CELF5: variants seen among roughly 807,000 people sequenced by gnomAD.
The protein encoded by CELF5 is CUG-BP and ETR-3 like factor 5.
In CELF5, 6 loss-of-function variants were observed where a neutral mutation model predicts 54.9. That is an observed-to-expected ratio of 0.11 (90% CI 0.06 to 0.22). The LOEUF is 0.22. CELF5 is among the 10% of genes least tolerant of loss of function. The pLI is 1.00. For missense variants in CELF5, 401 were observed against 678.6 expected, an observed-to-expected ratio of 0.59 and a Z score of 4.54; for synonymous variants, 271 against 290.9, an observed-to-expected ratio of 0.93 and a Z score of 0.70.
chr19:3,279,694 T>TG (rs60566732), intron 5 of CELF5, among the ~76,000 whole-genome samples: 152,163 of 152,164 alleles, frequency 1, 76,081 homozygotes, highest in Non-Finnish European at 1. Flanking sequence ...TCCTGGCCCC[T>TG]GCCTCAGGCC....
chr19:3,254,443 A>C (rs2079691806), intron 2 of CELF5, among the ~76,000 whole-genome samples: 1 of 151,302 alleles, frequency 6.6e-6, no homozygotes, highest in East Asian at 1.9e-4. Context: ...CCATCCATCT[A>C]CGCATCCATC....
At chr19:3,287,440 A>G (rs2080272078) in intron 10 of CELF5, among the ~76,000 whole-genome samples, 1 of 150,728 alleles carries the variant, frequency 6.6e-6, no homozygotes, top group Admixed American at 6.6e-5. Context: ...TGTGTCTGTA[A>G]TCCCAGCTAT....
chr19:3,271,950 T>C (rs12984431), intron 2 of CELF5, among the ~76,000 whole-genome samples: 62,815 of 151,980 alleles, frequency 0.41, 13,445 homozygotes, highest in East Asian at 0.58. Flanking sequence ...TCACTCACCA[T>C]GGCCTTACAC....
rs1167060617 is a variant in CELF5 at position 3,248,910 on chromosome 19, CTTT to C, written c.260-2074_260-2072del. ...CCTTCCTTCCTTCCTTCCTTCCTTTCTTTCTTTCTTTCTTTCTTTTCTTTTCTT... is the reference window on the plus strand; with the variant it reads ...CCTTCCTTCCTTCCTTCCTTCCTTTCCTTTCTTTCTTTCTTTTCTTTTCTT... On this transcript the variant is annotated intron_variant, in intron 1 of 12. Transcript: ENST00000292672. Among the ~76,000 whole-genome samples the C allele has an allele frequency of 2.2e-3, 259 of 119,202 alleles. 2 individuals carry two copies. Among genetic ancestry groups the C allele is most frequent in the African/African-American group, 7.5e-3 (241 of 32,294 alleles). 78.2% of individuals were successfully genotyped at this position (119,202 alleles called of 152,430 possible). A position where few individuals can be genotyped will look rare whatever the true frequency, so the allele number is the denominator to read the frequency against.
chr19:3,228,014 C>A lies in CELF5; in HGVS notation c.259+3016C>A, dbSNP rs527651717. On this transcript the variant is annotated intron_variant, in intron 1 of 12. Coordinates refer to ENST00000292672, the MANE Select transcript of CELF5 (RefSeq NM_021938.4). This position sits in a 1 kb window ranked among gnomAD's most constrained non-coding sequence, Gnocchi z 6.0. Reference sequence around the variant, plus strand: ...TGAGACTCAGAGAAAGGCAGGAGGCCTCATCCAGGAGCGGGGCAGGGGTAG... The same window carrying A: ...TGAGACTCAGAGAAAGGCAGGAGGCATCATCCAGGAGCGGGGCAGGGGTAG... Among the ~76,000 whole-genome samples the A allele has an allele frequency of 2.0e-5, 3 of 152,102 alleles. No individual in the cohort carries two copies. Among genetic ancestry groups the A allele is most frequent in the African/African-American group, 7.2e-5 (3 of 41,486 alleles).
In CELF5 at chr19:3,282,259, C is replaced by T. The variant is rs1452993816; in HGVS notation, c.884C>T (p.Pro295Leu). 6.2e-7 allele frequency: 1 copy of T among 1,612,584 alleles called. No homozygotes were observed. The highest frequency in any genetic ancestry group is 1.7e-5 in the Admixed American group (1 of 60,026). Residue 295 changes from proline (P) to leucine (L), a missense_variant, in exon 7 of 13, where the codon CCT (proline) becomes CTT (leucine). Coordinates refer to ENST00000292672, the MANE Select transcript of CELF5 (RefSeq NM_021938.4). The surrounding 1 kb of genome is among the most constrained non-coding windows in gnomAD (Gnocchi z 5.2). The part of the protein sequence containing the change: ...LNGLPATPIA[P>L]ASGLHSPPLL... Reference sequence around the variant, plus strand: ...GGGCTGCCTGCCACACCCATCGCTCCTGCCTCTGGTGAGCCTCCTCCAGGC... The same window carrying T: ...GGGCTGCCTGCCACACCCATCGCTCTTGCCTCTGGTGAGCCTCCTCCAGGC...
In CELF5 at chr19:3,228,038, AG is replaced by A. The variant is rs1917023440; in HGVS notation, c.259+3045del. Among the ~76,000 whole-genome samples, 2 of 149,802 alleles carry A rather than the reference AG, an allele frequency of 1.3e-5. No individual in the cohort carries two copies. The highest frequency in any genetic ancestry group is 2.5e-5 in the African/African-American group (1 of 40,666). ...CCTCATCCAGGAGCGGGGCAGGGGT[AG>A]GGGGAGAGGGATGCGTCGAGGTGGT... On this transcript the variant is annotated intron_variant, in intron 1 of 12. Transcript: ENST00000292672. The surrounding 1 kb of genome is among the most constrained non-coding windows in gnomAD (Gnocchi z 6.0).
At chr19:3,271,472 TGCG>T (rs2079962954) in intron 2 of CELF5, among the ~76,000 whole-genome samples, 1 of 151,672 alleles carries the variant, frequency 6.6e-6, no homozygotes, top group South Asian at 2.1e-4. Flanking sequence ...CCTCTGAGGG[TGCG>T]GCTGGGCGGC....
intron 4 of CELF5, 69 bp from the exon 5 acceptor site, chr19:3,277,962 C>T (rs1819282578): frequency 1.6e-5 from 20 of 1,239,694 alleles, no homozygotes; most frequent in Admixed American, 3.6e-5. Flanking sequence ...TGTCCCCTCT[C>T]CTGTGGCCCC....
rs1373533708 is a variant in CELF5 at position 3,228,299 on chromosome 19, C to T, written c.259+3301C>T. Among the ~76,000 whole-genome samples, 2 of 152,148 alleles carry T rather than the reference C, an allele frequency of 1.3e-5. No individual in the cohort carries two copies. The highest frequency in any genetic ancestry group is 4.8e-5 in the African/African-American group (2 of 41,426). ...AACTCCGCATCCAGAGAGCGGGGAC[C>T]TCCCCCAGGAAGGACCCCCACCCCA... On this transcript the variant is annotated intron_variant, in intron 1 of 12. Coordinates refer to ENST00000292672, the MANE Select transcript of CELF5 (RefSeq NM_021938.4). The surrounding 1 kb of genome is among the most constrained non-coding windows in gnomAD (Gnocchi z 6.0).
chr19:3,276,915 C>T lies in CELF5; in HGVS notation c.523+931C>T, dbSNP rs914387134. ...GGGGCTTCTCCACGGACAGAGTTACCTGTGCCCTGTGGTCTCAGATTCCTC... is the reference window on the plus strand; with the variant it reads ...GGGGCTTCTCCACGGACAGAGTTACTTGTGCCCTGTGGTCTCAGATTCCTC... On this transcript the variant is annotated intron_variant, in intron 4 of 12. Transcript: ENST00000292672. 6.6e-5 allele frequency among the ~76,000 whole-genome samples: 10 copies of T among 152,036 alleles called. No homozygotes were observed. The South Asian group carries it at 1.9e-3, about 28-fold the overall frequency.
At position 3,276,004 on chromosome 19, in the gene CELF5, G is replaced by T. The variant is rs775872019; in HGVS notation, c.523+20G>T. ...GCAAAGGTGACTGGCGGGGGCCGGG[G>T]CGGGACTGCGAGAGGGGCCGGGCTA... On this transcript the variant is annotated intron_variant, in intron 4 of 12. Coordinates refer to ENST00000292672, the MANE Select transcript of CELF5 (RefSeq NM_021938.4). The T allele has an allele frequency of 6.3e-6, 10 of 1,591,422 alleles. No homozygotes were observed. Among genetic ancestry groups the T allele is most frequent in the East Asian group, 2.3e-5 (1 of 44,110 alleles).
At position 3,273,860 on chromosome 19, in the gene CELF5, C is replaced by G. The variant is rs749689049; in HGVS notation, c.343-12C>G. 5.6e-6 allele frequency: 9 copies of G among 1,612,770 alleles called. No homozygotes were observed. In the South Asian group the frequency reaches 7.7e-5, roughly 14 times the overall value. ...GCTAAGCTTGACTTTTCCCTTCCCC[C>G]TCTCTCTGCAGATGGCGCGGCCAAT... On this transcript the variant is annotated splice_polypyrimidine_tract_variant and intron_variant, in intron 2 of 12. Transcript: ENST00000292672.
chr19:3,250,982 C>T lies in CELF5; in HGVS notation c.260-3C>T, dbSNP rs2145061714. The T allele has an allele frequency of 6.2e-7, 1 of 1,613,198 alleles. No individual in the cohort carries two copies. Among genetic ancestry groups the T allele is most frequent in the East Asian group, 2.2e-5 (1 of 44,868 alleles). ...TTAACACCCCCGTTTCTCTCCCTTCCAGGCTGTGCCTTCCTCACCTACTGT... is the reference window on the plus strand; with the variant it reads ...TTAACACCCCCGTTTCTCTCCCTTCTAGGCTGTGCCTTCCTCACCTACTGT... On this transcript the variant is annotated splice_region_variant and splice_polypyrimidine_tract_variant and intron_variant, in intron 1 of 12. Transcript: ENST00000292672.
chr19:3,284,369 T>G (rs1243007843), intron 8 of CELF5, among the ~76,000 whole-genome samples: 1 of 152,068 alleles, frequency 6.6e-6, no homozygotes, highest in Non-Finnish European at 1.5e-5. Flanking sequence ...CGGGCAGAAT[T>G]GTTTGGCTGA....
At chr19:3,290,421 G>GC (rs767748736) in intron 11 of CELF5, 47 bp downstream of exon 11, 2 of 1,605,172 alleles carry the variant, frequency 1.2e-6, no homozygotes, top group African/African-American at 1.3e-5. Flanking sequence ...TCCCTCGCCT[G>GC]CCCCCTGACA....
chr19:3,279,745 C>T (rs1358432225), intron 5 of CELF5, among the ~76,000 whole-genome samples: 1 of 152,148 alleles, frequency 6.6e-6, no homozygotes, highest in Admixed American at 6.5e-5. Flanking sequence ...CTCTGTCGCC[C>T]AGGTTGGAGT....
intron 8 of CELF5, chr19:3,284,675 T>G: frequency 1.8e-6 from 1 of 567,912 alleles, no homozygotes; most frequent in Non-Finnish European, 3.2e-6. Context: ...CTCTCTGGAG[T>G]CCGAGAAACC....
In CELF5 at chr19:3,268,996, T is replaced by C. The variant is rs1004995772; in HGVS notation, c.343-4876T>C. On this transcript the variant is annotated intron_variant, in intron 2 of 12. Coordinates refer to ENST00000292672, the MANE Select transcript of CELF5 (RefSeq NM_021938.4). This position sits in a 1 kb window ranked among gnomAD's most constrained non-coding sequence, Gnocchi z 4.4. ...GGCTGAGCCTCTACCCAGAGAGCAA[T>C]AGGGAGCCACAGCAGCGTTTAGAGC... Among the ~76,000 whole-genome samples, 1 of 151,690 alleles carries C rather than the reference T, an allele frequency of 6.6e-6. No homozygotes were observed. Among genetic ancestry groups the C allele is most frequent in the African/African-American group, 2.4e-5 (1 of 41,254 alleles).
Sources: gnomAD v4.1 joint callset for allele counts (sites outside exome capture counted in the v4.1 genomes callset) on GRCh38, gnomAD v4.1.1 for gene constraint, Gnocchi (gnomAD v3.1) non-coding constraint, MANE v1.5 for transcripts, NCBI Gene and HGNC (gene_info 2026-07-23, HGNC 2026-07-21) for gene names.